Variants in PKN2 observed in about 807,000 individuals in gnomAD.
PKN2 encodes serine/threonine-protein kinase N2.
Under a neutral mutation model 119.1 loss-of-function variants are expected in PKN2, and 38 were observed. The observed-to-expected ratio is 0.32, with a 90% confidence interval of 0.25 to 0.42. The LOEUF (loss-of-function observed/expected upper bound fraction) is 0.42, where lower values mean the gene tolerates loss of function less well. PKN2 is among the 10% of genes least tolerant of loss of function. The pLI is 1.00. For missense variants in PKN2, 850 were observed against 1,165.1 expected, an observed-to-expected ratio of 0.73 and a Z score of 3.94; for synonymous variants, 390 against 384.9, an observed-to-expected ratio of 1.01 and a Z score of -0.15.
chr1:88,730,059 G>A (rs577643467), intron 1 of PKN2, among the ~76,000 whole-genome samples: 20 of 152,078 alleles, frequency 1.3e-4, no homozygotes, highest in Admixed American at 3.3e-4. Context: ...CAGCTACTCC[G>A]GAGGCTGAGG....
intron 1 of PKN2, among the ~76,000 whole-genome samples, chr1:88,710,935 T>C (rs962359133): frequency 1.4e-4 from 21 of 152,100 alleles, no homozygotes; most frequent in African/African-American, 5.1e-4. Flanking sequence ...ACAGGAAAGG[T>C]GGTACATACA....
intron 1 of PKN2, among the ~76,000 whole-genome samples, chr1:88,715,103 T>C (rs1237521511): frequency 1.3e-5 from 2 of 152,190 alleles, no homozygotes; most frequent in Non-Finnish European, 1.5e-5. Context: ...TGAACAAGCC[T>C]TGCATCCCAG....
In PKN2 at chr1:88,780,957, T is replaced by C. The variant is rs115398615; in HGVS notation, c.986-3682T>C. 482 of 373,964 alleles carry C rather than the reference T, an allele frequency of 1.3e-3. 4 individuals carry two copies. Among genetic ancestry groups the C allele is most frequent in the African/African-American group, 0.01 (456 of 45,476 alleles). 23.2% of individuals were successfully genotyped at this position (373,964 alleles called of 1,614,324 possible). A position where few individuals can be genotyped will look rare whatever the true frequency, so the allele number is the denominator to read the frequency against. The stretch of plus-strand genomic sequence containing the variant: ...CCCTCCTTTCAGTTCCTTCTTCCCC[T>C]GTTCCTCATTCCATTACTGAACTTT... On this transcript the variant is annotated intron_variant, in intron 6 of 21. Coordinates refer to ENST00000370521, the MANE Select transcript of PKN2 (RefSeq NM_006256.4).
intron 1 of PKN2, among the ~76,000 whole-genome samples, chr1:88,702,113 C>G (rs2100666362): frequency 1.3e-5 from 2 of 152,290 alleles, no homozygotes; most frequent in Admixed American, 1.3e-4. Context: ...CATGTGCCAC[C>G]AAGCCCAGCT....
At position 88,769,299 on chromosome 1, in the gene PKN2, AT is replaced by A. The variant is rs1202359648; in HGVS notation, c.505-1051del. On this transcript the variant is annotated intron_variant, in intron 3 of 21. Coordinates refer to ENST00000370521, the MANE Select transcript of PKN2 (RefSeq NM_006256.4). ...TAAAGTGTTTCTAGGGACCTTTCTC[AT>A]TGTCACCAGGGTTGACAAATGCTGT... Among the ~76,000 whole-genome samples the A allele has an allele frequency of 2.6e-5, 4 of 152,132 alleles. 1 individual carries two copies. The highest frequency in any genetic ancestry group is 1.5e-5 in the Non-Finnish European group (1 of 68,004).
intron 1 of PKN2, among the ~76,000 whole-genome samples, chr1:88,719,750 C>T (rs1667594257): frequency 6.6e-6 from 1 of 152,126 alleles, no homozygotes; most frequent in Non-Finnish European, 1.5e-5. Flanking sequence ...ATCTTTTCAA[C>T]ATTCTTATGT....
chr1:88,758,625 T>C (rs1247299626), intron 2 of PKN2, among the ~76,000 whole-genome samples: 1 of 152,116 alleles, frequency 6.6e-6, no homozygotes, highest in Non-Finnish European at 1.5e-5. Flanking sequence ...AGAAAGAACA[T>C]GTGGTATTTG....
In PKN2 at chr1:88,823,866, G is replaced by A. The variant is rs181184549; in HGVS notation, c.2343-444G>A. On this transcript the variant is annotated intron_variant, in intron 17 of 21. Coordinates refer to ENST00000370521, the MANE Select transcript of PKN2 (RefSeq NM_006256.4). ...TCTAATAAAAATACAAAAGTTAGCC[G>A]GGTGTAGTGGCACGCGACTGTAGTC... is the stretch of plus-strand genomic sequence containing the variant. Among the ~76,000 whole-genome samples, 664 of 150,992 alleles carry A rather than the reference G, an allele frequency of 4.4e-3. 3 individuals carry two copies. Among genetic ancestry groups the A allele is most frequent in the African/African-American group, 0.015 (602 of 41,176 alleles).
At chr1:88,782,617 A>G (rs1260657744) in intron 6 of PKN2, among the ~76,000 whole-genome samples, 1 of 151,358 alleles carries the variant, frequency 6.6e-6, no homozygotes, top group Non-Finnish European at 1.5e-5. Flanking sequence ...AGTCCCATCC[A>G]GTGTATTTTT....
At position 88,760,340 on chromosome 1, in the gene PKN2, G is replaced by T; in HGVS notation, c.468G>T (p.Glu156Asp). ...DIELKVKQGA[E>D]NMIQMYSNGS... Reference sequence around the variant, plus strand: ...AACTTAAAGTAAAACAAGGTGCAGAGAATATGATACAGATGTATTCAAATG... The same window carrying T: ...AACTTAAAGTAAAACAAGGTGCAGATAATATGATACAGATGTATTCAAATG... The change falls in exon 3 of 22, where the codon GAG (glutamate) becomes GAT (aspartate). Residue 156 changes from glutamate to aspartate, a missense_variant. Transcript: ENST00000370521. The T allele has an allele frequency of 6.4e-7, 1 of 1,568,294 alleles. No homozygotes were observed. Among genetic ancestry groups the T allele is most frequent in the Non-Finnish European group, 8.8e-7 (1 of 1,141,168 alleles).
At chr1:88,769,666 G>A (rs1669806841) in intron 3 of PKN2, among the ~76,000 whole-genome samples, 1 of 152,120 alleles carries the variant, frequency 6.6e-6, no homozygotes, top group Admixed American at 6.5e-5. Flanking sequence ...ATGACAACAT[G>A]GGTGAGCCCA....
intron 8 of PKN2, among the ~76,000 whole-genome samples, chr1:88,795,459 G>T (rs1377576629): frequency 6.6e-6 from 1 of 152,074 alleles, no homozygotes; most frequent in African/African-American, 2.4e-5. Context: ...CAAGATTCTT[G>T]AAAAATAAGT....
chr1:88,799,682 G>A (rs1671230089), intron 8 of PKN2, among the ~76,000 whole-genome samples: 1 of 152,102 alleles, frequency 6.6e-6, no homozygotes. Context: ...CCTTTTTTAA[G>A]ATTTAGTCTA....
At chr1:88,801,516 T>C (rs1315240183) in intron 8 of PKN2, among the ~76,000 whole-genome samples, 1 of 152,234 alleles carries the variant, frequency 6.6e-6, no homozygotes, top group Non-Finnish European at 1.5e-5. Flanking sequence ...CAAACCATGC[T>C]GGATGTTAGG....
chr1:88,685,252 T>G (rs1259778856), intron 1 of PKN2: 1 of 151,896 alleles, frequency 6.6e-6, no homozygotes, highest in African/African-American at 2.4e-5. Flanking sequence ...TTCTTTTCCT[T>G]TCTTTTTTTT....
intron 8 of PKN2, among the ~76,000 whole-genome samples, chr1:88,794,268 T>C (rs914615414): frequency 6.0e-5 from 9 of 150,402 alleles, no homozygotes; most frequent in African/African-American, 2.0e-4. Context: ...TTGGGAGGCT[T>C]AGGCAGGAGA....
At chr1:88,821,723 C>A (rs1672299200) in intron 16 of PKN2, among the ~76,000 whole-genome samples, 3 of 152,180 alleles carry the variant, frequency 2.0e-5, no homozygotes, top group Non-Finnish European at 4.4e-5. Flanking sequence ...CTCAGTGACT[C>A]CACTAGGCAA....
chr1:88,709,022 A>G (rs1370965538), intron 1 of PKN2, among the ~76,000 whole-genome samples: 1 of 151,738 alleles, frequency 6.6e-6, no homozygotes, highest in Non-Finnish European at 1.5e-5. Flanking sequence ...CTATATTCAA[A>G]GCATTATTCT....
At chr1:88,822,351 G>A (rs921714706) in intron 17 of PKN2, among the ~76,000 whole-genome samples, 1 of 152,136 alleles carries the variant, frequency 6.6e-6, no homozygotes, top group Non-Finnish European at 1.5e-5. Flanking sequence ...TCCATGATGA[G>A]ACAAGTAGCT....
Sources: gnomAD v4.1 joint callset for allele counts (sites outside exome capture counted in the v4.1 genomes callset) on GRCh38, gnomAD v4.1.1 for gene constraint, MANE v1.5 for transcripts, NCBI Gene and HGNC (gene_info 2026-07-23, HGNC 2026-07-21) for gene names.